Variants in IRF8 observed in about 807,000 individuals in gnomAD.
IRF8 encodes the protein interferon regulatory factor 8.
IRF8 carries 14 observed loss-of-function variants against 48.7 expected under a neutral mutation model. The observed-to-expected ratio is 0.29, with a 90% CI of 0.19 to 0.45. The LOEUF is 0.45. Among genes scored for constraint, IRF8 ranks in the 20% least tolerant of loss-of-function variants. The probability of loss-of-function intolerance (pLI) is 1.00; values close to 1 mark genes in which losing one functional copy is unlikely to be tolerated. For synonymous variants in IRF8, 278 were observed against 227.3 expected (o/e 1.22, Z -2.01); for missense variants, 493 against 580.7 (o/e 0.85, Z 1.55).
rs1200900321 is a variant in IRF8, at chr16:85,920,219, G to A, written c.1099G>A (p.Val367Met). The change falls in exon 8 of 9, where the codon GTG becomes ATG. Residue 367 changes from valine (V) to methionine (M), a missense_variant. Around this residue, in one of 3 missense-constraint regions of IRF8, gnomAD observed 408 missense variants for 449.6 expected, o/e 0.91. Transcript: ENST00000268638. ...MAPLRSKLILVQIEQLYVRQL... is the reference protein window; with the variant it reads ...MAPLRSKLILMQIEQLYVRQL... ...CCCCTTGCGCTCCAAACTCATTCTC[G>A]TGCAGGTAAGTATGGGCAGCTTTTT... 1.3e-6 allele frequency: 2 copies of A among 1,490,172 alleles called. No homozygotes were observed. Among genetic ancestry groups the A allele is most frequent in the Admixed American group, 1.7e-5 (1 of 59,574 alleles). The allele number at this position is 1,490,172 out of a possible 1,614,324, so 92.3% of individuals were successfully genotyped here.
At chr16:85,899,565 A>C (rs533136047) in intron 1 of IRF8, among the ~76,000 whole-genome samples, 1 of 152,288 alleles carries the variant, frequency 6.6e-6, no homozygotes, top group Non-Finnish European at 1.5e-5. Flanking sequence ...AACGCGCTCT[A>C]TCATCCCACT....
intron 2 of IRF8, among the ~76,000 whole-genome samples, chr16:85,907,555 G>A (rs776797140): frequency 6.6e-6 from 1 of 152,184 alleles, no homozygotes; most frequent in Non-Finnish European, 1.5e-5. Flanking sequence ...GTGCACACCT[G>A]TAGTCCCAGC....
intron 2 of IRF8, 63 bp from the exon 3 acceptor site, chr16:85,908,927 G>A: frequency 7.1e-7 from 1 of 1,402,198 alleles, no homozygotes. Flanking sequence ...TCCTGGTCAT[G>A]GTGACGGATA....
At chr16:85,917,235 G>A (rs1481338365) in intron 6 of IRF8, among the ~76,000 whole-genome samples, 2 of 152,186 alleles carry the variant, frequency 1.3e-5, no homozygotes, top group Admixed American at 6.5e-5. Flanking sequence ...AGGCAGCCTC[G>A]AACCGGTCTG....
chr16:85,914,778 G>A (rs1265789329), intron 6 of IRF8, among the ~76,000 whole-genome samples: 1 of 151,850 alleles, frequency 6.6e-6, no homozygotes, highest in African/African-American at 2.4e-5. Flanking sequence ...TTCCGAGGAT[G>A]AGCAGGACCT....
chr16:85,909,233 C>A (rs758420956), intron 3 of IRF8, 60 bp downstream of exon 3: 2 of 1,454,790 alleles, frequency 1.4e-6, no homozygotes, highest in Non-Finnish European at 1.9e-6. Context: ...TAGCCTTCAC[C>A]ACAGAACTTG....
At chr16:85,901,836 A>G (rs1440189651) in intron 1 of IRF8, among the ~76,000 whole-genome samples, 1 of 151,838 alleles carries the variant, frequency 6.6e-6, no homozygotes, top group Non-Finnish European at 1.5e-5. Context: ...TGGCTCTACC[A>G]TATTTTGGGA....
At chr16:85,906,492 G>A (rs998975028) in intron 2 of IRF8, among the ~76,000 whole-genome samples, 2 of 152,216 alleles carry the variant, frequency 1.3e-5, no homozygotes, top group Admixed American at 6.5e-5. Context: ...AGAGTTCAGG[G>A]CAGGCGGCAA....
intron 7 of IRF8, among the ~76,000 whole-genome samples, chr16:85,919,323 A>C (rs7185022): frequency 0.63 from 96,116 of 151,986 alleles, 32,194 homozygotes; most frequent in East Asian, 0.84. Context: ...TGTGTAGGAT[A>C]CCAGCCTGGG....
chr16:85,905,606 G>A (rs1904975448), intron 2 of IRF8, among the ~76,000 whole-genome samples: 1 of 152,208 alleles, frequency 6.6e-6, no homozygotes, highest in African/African-American at 2.4e-5. Flanking sequence ...CATGGCGCCA[G>A]CAAGAGCCCA....
In IRF8 at chr16:85,918,503, TC is replaced by T; in HGVS notation, c.691del (p.Leu231Ter). On this transcript the variant is annotated frameshift_variant, in exon 7 of 9. Transcript: ENST00000268638. LOFTEE classifies it high-confidence loss of function. ...CACCTGCCCCGAGGGCTGCCGCCTG[TC>T]CCTGAGCCAGCCTGGGCTGCCCGGC... ...TTTCPEGCRL[S>X]LSQPGLPGTK... The T allele has an allele frequency of 6.3e-7, 1 of 1,595,030 alleles. No individual in the cohort carries two copies.
At chr16:85,917,482 CTT>C (rs1243300906) in intron 6 of IRF8, among the ~76,000 whole-genome samples, 6 of 152,228 alleles carry the variant, frequency 3.9e-5, no homozygotes, top group Non-Finnish European at 5.9e-5. Context: ...TAAAATAAAA[CTT>C]AAGTTTATTT....
intron 7 of IRF8, among the ~76,000 whole-genome samples, chr16:85,919,714 C>T (rs1387979012): frequency 2.0e-5 from 3 of 152,218 alleles, no homozygotes; most frequent in Non-Finnish European, 2.9e-5. Context: ...GTCCACCGGC[C>T]CACTTTGAGA....
At position 85,921,393 on chromosome 16, in the gene IRF8, T is replaced by C. The variant is rs1485752410; in HGVS notation, c.*111T>C. 5.1e-6 allele frequency: 6 copies of C among 1,167,424 alleles called. No homozygotes were observed. The highest frequency in any genetic ancestry group is 7.6e-6 in the Non-Finnish European group (6 of 787,474). 72.3% of individuals were successfully genotyped at this position (1,167,424 alleles called of 1,614,324 possible). A position where few individuals can be genotyped will look rare whatever the true frequency, so the allele number is the denominator to read the frequency against. ...ATCCCTCTGTCTGGGGTGGGATGCC[T>C]TACTTTGCACTTAATTTAATAAGGG... On this transcript the variant is annotated 3_prime_UTR_variant, in exon 9 of 9. Coordinates refer to ENST00000268638, the MANE Select transcript of IRF8 (RefSeq NM_002163.4).
In IRF8 at chr16:85,919,929, T is replaced by C. The variant is rs547618735; in HGVS notation, c.989-180T>C. 1.9e-4 allele frequency among the ~76,000 whole-genome samples: 29 copies of C among 152,374 alleles called. No individual in the cohort carries two copies. The East Asian group carries it at 5.2e-3, about 27-fold the overall frequency. Reference sequence around the variant, plus strand: ...TTAAAATCCCGGCAACAACCTGGAATGGCCAAACGAACAGCTCCTTGCTTG... The same window carrying C: ...TTAAAATCCCGGCAACAACCTGGAACGGCCAAACGAACAGCTCCTTGCTTG... On this transcript the variant is annotated intron_variant, in intron 7 of 8. Transcript: ENST00000268638.
intron 2 of IRF8, 199 bp downstream of exon 2, chr16:85,903,388 AC>A: frequency 1.7e-6 from 1 of 598,278 alleles, no homozygotes; most frequent in Non-Finnish European, 3.0e-6. Context: ...TTACGGAGTC[AC>A]TTTTGTGGTC....
At chr16:85,911,493 C>A in intron 3 of IRF8, 77 bp from the exon 4 acceptor site, 1 of 1,203,370 alleles carries the variant, frequency 8.3e-7, no homozygotes, top group Non-Finnish European at 1.2e-6. Flanking sequence ...TCAGCATTTA[C>A]AGAGTAGATT....
chr16:85,911,445 C>T (rs1905138751), intron 3 of IRF8, 125 bp from the exon 4 acceptor site: 3 of 817,934 alleles, frequency 3.7e-6, no homozygotes, highest in Non-Finnish European at 6.2e-6. Flanking sequence ...CTTTCCCAAA[C>T]CAATGAAGAC....
rs75886936 is a variant in IRF8, at chr16:85,909,456, T to C, written c.358+283T>C. ...CAGGAACAAGCATCCTCCAGCAGTT[T>C]CTGATGAGGAATCCTTTCATTTTCC... On this transcript the variant is annotated intron_variant, in intron 3 of 8. Transcript: ENST00000268638. 137 of 448,138 alleles carry C rather than the reference T, an allele frequency of 3.1e-4. No individual in the cohort carries two copies. In the East Asian group the frequency reaches 5.9e-3, roughly 19 times the overall value. 27.8% of individuals were successfully genotyped at this position (448,138 alleles called of 1,614,324 possible).
Sources: allele counts gnomAD v4.1 joint callset (sites outside exome capture counted in the v4.1 genomes callset), GRCh38; gene constraint gnomAD v4.1.1; regional missense constraint gnomAD v4.1.1; transcripts MANE v1.5; gene names NCBI Gene and HGNC (gene_info 2026-07-23, HGNC 2026-07-21).